BCAR3: variants seen among roughly 807,000 people sequenced by gnomAD.
BCAR3 encodes BCAR3 adaptor protein, NSP family member.
Under a neutral mutation model 80.1 loss-of-function variants are expected in BCAR3, and 37 were observed. The ratio of observed to expected loss-of-function variants is 0.46; its 90% CI spans 0.36 to 0.61. The LOEUF is 0.61. Among genes scored for constraint, BCAR3 ranks in the 20% least tolerant of loss-of-function variants. The pLI, the probability that BCAR3 is intolerant of heterozygous loss-of-function variation, is 0.00. For synonymous variants in BCAR3, 389 were observed against 418.9 expected (o/e 0.93, Z 0.87); for missense variants, 978 against 1,068.2 (o/e 0.92, Z 1.18).
chr1:93,721,020 G>T (rs1650379320), intron 2 of BCAR3, among the ~76,000 whole-genome samples: 1 of 152,216 alleles, frequency 6.6e-6, no homozygotes, highest in African/African-American at 2.4e-5. Flanking sequence ...TCTGGCTGAG[G>T]CGAGGCTGAC....
Position 93,740,006 on chromosome 1 carries a change from AGC to A in BCAR3, c.-62-33866_-62-33865del, listed in dbSNP as rs1326307287. Among the ~76,000 whole-genome samples the A allele has an allele frequency of 2.6e-4, 39 of 151,584 alleles. 3 individuals are homozygous for A. Among genetic ancestry groups the A allele is most frequent in the Admixed American group, 1.2e-3 (19 of 15,206 alleles). The stretch of plus-strand genomic sequence containing the variant: ...AGCCGAGATCATGCCACTGCACTCC[AGC>A]CTGGGTGACAGAGTGAAACTCCGTC... On this transcript the variant is annotated intron_variant, in intron 2 of 13. Coordinates refer to the BCAR3 transcript ENST00000370244.
At chr1:93,619,514 TCTC>T (rs1237245431) in intron 3 of BCAR3, among the ~76,000 whole-genome samples, 1 of 152,214 alleles carries the variant, frequency 6.6e-6, no homozygotes, top group Non-Finnish European at 1.5e-5. Context: ...ATCACTTACT[TCTC>T]CTGCCATCTC....
chr1:93,581,341 C>T (rs757573227), intron 7 of BCAR3, among the ~76,000 whole-genome samples: 1 of 151,982 alleles, frequency 6.6e-6, no homozygotes, highest in Non-Finnish European at 1.5e-5. Flanking sequence ...TTGCGTAAAC[C>T]AAATGCTGAC....
chr1:93,566,302 C>G (rs898413078), intron 11 of BCAR3, among the ~76,000 whole-genome samples: 10 of 152,100 alleles, frequency 6.6e-5, no homozygotes, highest in Admixed American at 5.9e-4. Flanking sequence ...TGTCCTTTAA[C>G]AATCAATGCA....
intron 2 of BCAR3, among the ~76,000 whole-genome samples, chr1:93,834,609 C>T (rs1408161658): frequency 6.6e-6 from 1 of 152,222 alleles, no homozygotes; most frequent in Non-Finnish European, 1.5e-5. Context: ...CTTACTCTTT[C>T]AGCCTAGCCC....
At position 93,809,825 on chromosome 1, in the gene BCAR3, C is replaced by T. The variant is rs534433292; in HGVS notation, c.-63+35742G>A. 9.7e-5 allele frequency among the ~76,000 whole-genome samples: 14 copies of T among 144,286 alleles called. No individual in the cohort carries two copies. In the South Asian group the frequency reaches 3.2e-3, roughly 33 times the overall value. 94.7% of individuals were successfully genotyped at this position (144,286 alleles called of 152,430 possible). A position where few individuals can be genotyped will look rare whatever the true frequency, so the allele number is the denominator to read the frequency against. ...TTGAAGACCCAATAAAGGTCTTTAA[C>T]GAGGAATTCTCCCAAACATTTTTAA... On this transcript the variant is annotated intron_variant, in intron 2 of 13. Transcript: ENST00000370244.
intron 2 of BCAR3, among the ~76,000 whole-genome samples, chr1:93,838,477 A>G (rs756148209): frequency 1.3e-5 from 2 of 152,132 alleles, no homozygotes; most frequent in Non-Finnish European, 2.9e-5. Flanking sequence ...AATACCCCCC[A>G]CTAGGTCTGA....
intron 2 of BCAR3, among the ~76,000 whole-genome samples, chr1:93,770,420 C>T (rs919960802): frequency 1.3e-5 from 2 of 152,132 alleles, no homozygotes; most frequent in Non-Finnish European, 2.9e-5. Flanking sequence ...CCCCCTGGGA[C>T]TCTGCAAGTA....
At chr1:93,678,020 G>A (rs1648574481) in intron 1 of BCAR3, among the ~76,000 whole-genome samples, 1 of 152,134 alleles carries the variant, frequency 6.6e-6, no homozygotes, top group South Asian at 2.1e-4. Flanking sequence ...AGCCTATAAG[G>A]ACCAAAGCAA....
chr1:93,748,284 TC>T (rs1651427374), intron 2 of BCAR3, among the ~76,000 whole-genome samples: 1 of 152,144 alleles, frequency 6.6e-6, no homozygotes, highest in African/African-American at 2.4e-5. Flanking sequence ...TCTTCTGAAT[TC>T]CATTTCAGTG....
chr1:93,721,790 G>A (rs1475889130), intron 2 of BCAR3, among the ~76,000 whole-genome samples: 1 of 152,222 alleles, frequency 6.6e-6, no homozygotes, highest in Admixed American at 6.5e-5. Flanking sequence ...CAAAGTAGGG[G>A]AGGTGGCCTC....
At chr1:93,652,509 T>C (rs986356708) in intron 2 of BCAR3, among the ~76,000 whole-genome samples, 19 of 152,206 alleles carry the variant, frequency 1.2e-4, no homozygotes, top group African/African-American at 4.1e-4. Context: ...GAGCCTCTAA[T>C]TGGAAATAGA....
At chr1:93,625,660 G>A (rs1675435617) in intron 3 of BCAR3, among the ~76,000 whole-genome samples, 1 of 152,218 alleles carries the variant, frequency 6.6e-6, no homozygotes, top group Non-Finnish European at 1.5e-5. Flanking sequence ...CCTGGACACT[G>A]AGGTCATTCA....
At chr1:93,755,455 A>G (rs1651710285) in intron 2 of BCAR3, among the ~76,000 whole-genome samples, 1 of 152,200 alleles carries the variant, frequency 6.6e-6, no homozygotes, top group Admixed American at 6.5e-5. Context: ...AAATCTTTAT[A>G]TTGTAGCTCT....
At chr1:93,731,637 G>T (rs11164970) in intron 2 of BCAR3, among the ~76,000 whole-genome samples, 1 of 148,520 alleles carries the variant, frequency 6.7e-6, no homozygotes, top group Non-Finnish European at 1.5e-5. Flanking sequence ...ATAAATAGTA[G>T]ATGTTAAAGT....
intron 3 of BCAR3, among the ~76,000 whole-genome samples, chr1:93,626,466 T>TG (rs1164004235): frequency 6.6e-6 from 1 of 152,146 alleles, no homozygotes; most frequent in Non-Finnish European, 1.5e-5. Flanking sequence ...ATCTGCAGGC[T>TG]GGGGGGTCTT....
At chr1:93,733,434 G>T (rs898127671) in intron 2 of BCAR3, among the ~76,000 whole-genome samples, 1 of 152,212 alleles carries the variant, frequency 6.6e-6, no homozygotes, top group African/African-American at 2.4e-5. Flanking sequence ...TGTTCAGGAG[G>T]AGGGTTGCGC....
chr1:93,585,017 C>G (rs1673885754), intron 5 of BCAR3: 1 of 985,380 alleles, frequency 1.0e-6, no homozygotes, highest in African/African-American at 1.7e-5. Flanking sequence ...CCCCCAAACT[C>G]CAAGGAACAG....
At chr1:93,802,732 T>C (rs1571138789) in intron 2 of BCAR3, among the ~76,000 whole-genome samples, 1 of 152,224 alleles carries the variant, frequency 6.6e-6, no homozygotes, top group East Asian at 1.9e-4. Context: ...CAGTGGAAAC[T>C]TCAGACAATT....
Sources: allele counts gnomAD v4.1 joint callset (sites outside exome capture counted in the v4.1 genomes callset), GRCh38; gene constraint gnomAD v4.1.1; transcripts MANE v1.5; gene names NCBI Gene and HGNC (gene_info 2026-07-23, HGNC 2026-07-21).